The following NEK10 variants were observed in gnomAD, a reference collection of about 807,000 sequenced individuals.
NEK10 encodes the protein serine/threonine-protein kinase Nek10.
NEK10 carries 122 observed loss-of-function variants against 159.8 expected under a neutral mutation model. That is an observed-to-expected ratio of 0.76 (90% CI 0.66 to 0.89). NEK10 has a LOEUF of 0.89. Ranked by LOEUF, NEK10 falls within the 40% of genes least tolerant of loss-of-function variation. The pLI is 0.00. For synonymous variants in NEK10, 466 were observed against 457.1 expected, an observed-to-expected ratio of 1.02 and a Z score of -0.25; for missense variants, 1,342 against 1,323.1, an observed-to-expected ratio of 1.01 and a Z score of -0.22.
intron 31 of NEK10, among the ~76,000 whole-genome samples, chr3:27,137,609 C>A (rs1449949751): frequency 6.6e-6 from 1 of 152,164 alleles, no homozygotes; most frequent in Non-Finnish European, 1.5e-5. Flanking sequence ...ATGTATTAGT[C>A]AAGCTTCCCC....
chr3:27,219,125 C>T (rs1951844054), intron 23 of NEK10, among the ~76,000 whole-genome samples: 1 of 152,168 alleles, frequency 6.6e-6, no homozygotes, highest in Non-Finnish European at 1.5e-5. Context: ...TTAAATAAGC[C>T]TCTTGTCAGT....
chr3:27,363,683 C>T (rs1471224539), intron 1 of NEK10: 1 of 152,164 alleles, frequency 6.6e-6, no homozygotes, highest in Non-Finnish European at 1.5e-5. Context: ...TAAAGATGGA[C>T]TACCTCAAGT....
intron 30 of NEK10, among the ~76,000 whole-genome samples, chr3:27,159,787 C>T (rs1250573722): frequency 4.0e-5 from 6 of 151,694 alleles, no homozygotes; most frequent in Admixed American, 1.3e-4. Context: ...GCTGTTATTA[C>T]CATGACATGA....
chr3:27,312,306 T>C lies in NEK10; in HGVS notation c.490-129A>G. On this transcript the variant is annotated intron_variant, in intron 7 of 35. Transcript: ENST00000691995. The stretch of plus-strand genomic sequence containing the variant: ...ACAGATTCATCAAATAATACTCTCA[T>C]GCTCCTGGAACAGTTATCGCTCAAG... 2 of 531,546 alleles carry C rather than the reference T, an allele frequency of 3.8e-6. 1 individual carries two copies. Among genetic ancestry groups the C allele is most frequent in the East Asian group, 6.3e-5 (2 of 31,946 alleles). 32.9% of individuals were successfully genotyped at this position (531,546 alleles called of 1,614,324 possible).
At chr3:27,311,906 G>T (rs1559482034) in intron 8 of NEK10, 193 bp downstream of exon 8, 18 of 539,636 alleles carry the variant, frequency 3.3e-5, no homozygotes, top group Admixed American at 1.9e-4. Flanking sequence ...CAAGGTAAAG[G>T]TTGTAATCTA....
At chr3:27,193,265 C>A (rs887144632) in intron 25 of NEK10, among the ~76,000 whole-genome samples, 2 of 152,160 alleles carry the variant, frequency 1.3e-5, no homozygotes, top group Admixed American at 6.5e-5. Flanking sequence ...GCTATTACAA[C>A]GTCACTTACT....
chr3:27,170,176 C>T (rs539545430), intron 29 of NEK10, among the ~76,000 whole-genome samples: 2 of 152,274 alleles, frequency 1.3e-5, no homozygotes, highest in Admixed American at 6.5e-5. Context: ...TATAGCACAT[C>T]GCAGCCTTAG....
chr3:27,331,236 TCAAAAAAAAAAAAA>T (rs2046371000), intron 5 of NEK10, among the ~76,000 whole-genome samples: 1 of 7,782 alleles, frequency 1.3e-4, no homozygotes, highest in African/African-American at 7.7e-4. Flanking sequence ...AGACTCTGTC[TCAAAAAAAAAAAAA>T]CAAAAAAAAA....
chr3:27,136,681 G>A (rs908435240), intron 31 of NEK10, among the ~76,000 whole-genome samples: 6 of 152,154 alleles, frequency 3.9e-5, no homozygotes, highest in African/African-American at 1.4e-4. Flanking sequence ...TACCATTTCA[G>A]CTTTGATAAA....
chr3:27,228,587 A>G (rs1952881965), intron 23 of NEK10, among the ~76,000 whole-genome samples: 1 of 152,178 alleles, frequency 6.6e-6, no homozygotes, highest in Non-Finnish European at 1.5e-5. Flanking sequence ...ACGTGATCTA[A>G]GAGGCAGGAG....
rs1453967396 is a variant in NEK10, at chr3:27,225,660, T to C, written c.2091-23103A>G. Among the ~76,000 whole-genome samples, 5 of 152,280 alleles carry C rather than the reference T, an allele frequency of 3.3e-5. No homozygotes were observed. In the East Asian group the frequency reaches 9.7e-4, roughly 29 times the overall value. ...AAGCTTTAGCCAACATTGTATTGGG[T>C]CAGGCACAACTTGTACCACTGACAG... On this transcript the variant is annotated intron_variant, in intron 23 of 35. Transcript: ENST00000691995.
At chr3:27,179,349 T>C (rs1947839579) in intron 26 of NEK10, among the ~76,000 whole-genome samples, 1 of 152,240 alleles carries the variant, frequency 6.6e-6, no homozygotes, top group Non-Finnish European at 1.5e-5. Flanking sequence ...TATTATACTA[T>C]CTTAATTAGA....
chr3:27,305,753 A>G (rs1559470759), intron 11 of NEK10, among the ~76,000 whole-genome samples: 1 of 152,190 alleles, frequency 6.6e-6, no homozygotes, highest in Non-Finnish European at 1.5e-5. Flanking sequence ...GCACTCAGTT[A>G]CTATATACTC....
chr3:27,325,645 C>G (rs2045952281), intron 5 of NEK10, among the ~76,000 whole-genome samples: 1 of 152,076 alleles, frequency 6.6e-6, no homozygotes, highest in South Asian at 2.1e-4. Flanking sequence ...CCCACTCACA[C>G]TCCACCCCAA....
intron 31 of NEK10, among the ~76,000 whole-genome samples, chr3:27,138,095 G>T (rs546691831): frequency 2.0e-5 from 3 of 152,192 alleles, no homozygotes; most frequent in African/African-American, 7.2e-5. Context: ...ATGCTCCTGC[G>T]TTGCCTTGCT....
chr3:27,163,123 A>G (rs1057037980), intron 29 of NEK10, among the ~76,000 whole-genome samples: 2 of 151,756 alleles, frequency 1.3e-5, no homozygotes, highest in Admixed American at 1.3e-4. Flanking sequence ...AACAAAAAAA[A>G]CCTTATACCT....
intron 35 of NEK10, among the ~76,000 whole-genome samples, chr3:27,111,952 T>C (rs1575333182): frequency 1.3e-5 from 2 of 152,350 alleles, no homozygotes; most frequent in East Asian, 1.9e-4. Flanking sequence ...GGAAGAGCTA[T>C]GAGGCTGGCC....
chr3:27,289,124 G>A (rs490706), intron 19 of NEK10, among the ~76,000 whole-genome samples: 96,683 of 152,062 alleles, frequency 0.64, 33,035 homozygotes, highest in African/African-American at 0.91. Context: ...GATGAAGACA[G>A]TGCACTAGAA....
intron 19 of NEK10, among the ~76,000 whole-genome samples, chr3:27,288,668 T>G (rs2042789712): frequency 6.6e-6 from 1 of 152,202 alleles, no homozygotes; most frequent in Admixed American, 6.5e-5. Flanking sequence ...TTGATATAAG[T>G]TAAGAATGTT....
Sources: allele counts gnomAD v4.1 joint callset (sites outside exome capture counted in the v4.1 genomes callset), GRCh38; gene constraint gnomAD v4.1.1; transcripts MANE v1.5; gene names NCBI Gene and HGNC (gene_info 2026-07-23, HGNC 2026-07-21).